RPSA: variants seen among roughly 807,000 people sequenced by gnomAD.
RPSA encodes ribosomal protein SA, also known as small ribosomal subunit protein uS2.
For synonymous variants in RPSA, 103 were observed against 126.7 expected (o/e 0.81, Z 1.25); for missense variants, 140 against 372.8 (o/e 0.38, Z 5.14).
chr3:39,412,521 C>G lies in RPSA; in HGVS notation c.*153C>G. 1 of 601,564 alleles carries G rather than the reference C, an allele frequency of 1.7e-6. No individual in the cohort carries two copies. Among genetic ancestry groups the G allele is most frequent in the Non-Finnish European group, 2.9e-6 (1 of 339,686 alleles). 37.3% of individuals were successfully genotyped at this position (601,564 alleles called of 1,614,324 possible). On this transcript the variant is annotated 3_prime_UTR_variant, in exon 7 of 7. Transcript: ENST00000301821. Reference sequence around the variant, plus strand: ...AAAGCATAATAATAAATACATGTCTCGACATGAGTTGTACTTCTAAAGCCC... The same window carrying G: ...AAAGCATAATAATAAATACATGTCTGGACATGAGTTGTACTTCTAAAGCCC...
Position 39,412,293 on chromosome 3 carries a change from T to C in RPSA, c.813T>C (p.Pro271=), listed in dbSNP as rs374700071. ...QFPTEDWSAQ[P]ATEDWSAAPT... ...TAACAGAAGACTGGAGCGCTCAGCC[T>C]GCCACGGAAGACTGGTCTGCAGCTC... The change falls in exon 7 of 7, where the codon CCT becomes CCC. Residue 271 remains proline, a synonymous_variant. Coordinates refer to ENST00000301821, the MANE Select transcript of RPSA (RefSeq NM_002295.6). The C allele has an allele frequency of 1.9e-6, 3 of 1,611,048 alleles. No individual in the cohort carries two copies. The highest frequency in any genetic ancestry group is 2.5e-6 in the Non-Finnish European group (3 of 1,177,408).
intron 2 of RPSA, chr3:39,408,054 G>A (rs181041879): frequency 4.1e-5 from 18 of 441,310 alleles, no homozygotes; most frequent in Middle Eastern, 6.9e-4. Flanking sequence ...CTAATAGCTC[G>A]CATAGTGCCT....
intron 3 of RPSA, chr3:39,409,053 C>A: frequency 5.1e-6 from 1 of 196,486 alleles, no homozygotes; most frequent in Non-Finnish European, 1.0e-5. Flanking sequence ...CACTGTACTC[C>A]AGCCTGGGTG....
In RPSA at chr3:39,407,707, C is replaced by T. The variant is rs774713610; in HGVS notation, c.54C>T (p.Phe18=). 10 of 1,593,614 alleles carry T rather than the reference C, an allele frequency of 6.3e-6. No homozygotes were observed. In the Admixed American group the frequency reaches 6.7e-5, roughly 11 times the overall value. ...TGAAGGAGGAGGATGTCCTTAAGTTCCTTGCAGCAGGAACCCACTTAGGTG... is the reference window on the plus strand; with the variant it reads ...TGAAGGAGGAGGATGTCCTTAAGTTTCTTGCAGCAGGAACCCACTTAGGTG... ...LQMKEEDVLK[F]LAAGTHLGGT... Residue 18 remains phenylalanine, a synonymous_variant, in exon 2 of 7, where the codon TTC becomes TTT. Coordinates refer to ENST00000301821, the MANE Select transcript of RPSA (RefSeq NM_002295.6).
Position 39,407,248 on chromosome 3 carries a change from T to C in RPSA, c.-33-373T>C, listed in dbSNP as rs985141446. On this transcript the variant is annotated intron_variant, in intron 1 of 6. Coordinates refer to ENST00000301821, the MANE Select transcript of RPSA (RefSeq NM_002295.6). ...CATCCGCCTACAATCTGCTTGAAAATGTCTGAAAACAATTCATGCCTTTTT... is the reference window on the plus strand; with the variant it reads ...CATCCGCCTACAATCTGCTTGAAAACGTCTGAAAACAATTCATGCCTTTTT... Among the ~76,000 whole-genome samples, 5 of 152,206 alleles carry C rather than the reference T, an allele frequency of 3.3e-5. No individual in the cohort carries two copies. The South Asian group carries it at 1.0e-3, about 31-fold the overall frequency.
intron 4 of RPSA, 112 bp downstream of exon 4, chr3:39,411,111 T>C (rs371128378): frequency 9.5e-6 from 13 of 1,361,382 alleles, no homozygotes; most frequent in East Asian, 9.1e-5. Context: ...AACTCGCAAG[T>C]GTAGGTAGTG....
intron 4 of RPSA, chr3:39,411,309 G>C: frequency 1.6e-6 from 1 of 634,252 alleles, no homozygotes; most frequent in East Asian, 3.1e-5. Context: ...TCAGGCACTT[G>C]GCCTTTGTTT....
intron 3 of RPSA, chr3:39,409,051 T>C (rs1575255788): frequency 5.0e-6 from 1 of 198,646 alleles, no homozygotes. Flanking sequence ...GCCACTGTAC[T>C]CCAGCCTGGG....
chr3:39,408,971 A>C (rs2041962284), intron 3 of RPSA: 1 of 428,114 alleles, frequency 2.3e-6, no homozygotes, highest in Non-Finnish European at 4.3e-6. Context: ...CTGTAGTCCC[A>C]GCTACTCAGG....
chr3:39,412,130 G>A, intron 6 of RPSA, 69 bp downstream of exon 6: 1 of 1,467,830 alleles, frequency 6.8e-7, no homozygotes, highest in Non-Finnish European at 9.5e-7. Context: ...TAACTTTAAT[G>A]ATCTCTGTGA....
intron 1 of RPSA, 112 bp downstream of exon 1, chr3:39,406,876 C>T: frequency 2.2e-6 from 1 of 456,378 alleles, no homozygotes; most frequent in Non-Finnish European, 4.4e-6. Context: ...CTGGATCTGT[C>T]TCCCGCCCGG....
intron 2 of RPSA, 126 bp from the exon 3 acceptor site, chr3:39,408,480 G>C (rs961880947): frequency 1.3e-5 from 10 of 782,050 alleles, no homozygotes. Context: ...CAGGATTTTC[G>C]CTAACACCAG....
At chr3:39,407,447 G>A (rs984027822) in intron 1 of RPSA, among the ~76,000 whole-genome samples, 174 bp from the exon 2 acceptor site, 3 of 152,114 alleles carry the variant, frequency 2.0e-5, no homozygotes, top group Admixed American at 1.3e-4. Context: ...TCCTCAGTAA[G>A]ATGTGCGCTG....
chr3:39,408,750 A>G (rs1181874490), intron 3 of RPSA, 26 bp downstream of exon 3: 2 of 1,159,026 alleles, frequency 1.7e-6, no homozygotes, highest in Admixed American at 1.7e-5. Flanking sequence ...GTTAGTTTTT[A>G]TATTATAGAA....
In RPSA at chr3:39,406,753, G is replaced by C. The variant is rs559394405; in HGVS notation, c.-45G>C. ...TGCTACCTGCAGAGGGGTCCATACG[G>C]CGTTGTTCTGGGTGAGTTCCGTGTA... On this transcript the variant is annotated 5_prime_UTR_variant, in exon 1 of 7. Transcript: ENST00000301821. 1.2e-5 allele frequency: 5 copies of C among 420,918 alleles called. No individual in the cohort carries two copies. The highest frequency in any genetic ancestry group is 5.1e-5 in the South Asian group (3 of 58,690). The allele number at this position is 420,918 out of a possible 1,614,324, so 26.1% of individuals were successfully genotyped here. A position where few individuals can be genotyped will look rare whatever the true frequency, so the allele number is the denominator to read the frequency against.
intron 1 of RPSA, chr3:39,407,187 A>G: frequency 2.9e-6 from 1 of 343,084 alleles, no homozygotes; most frequent in Non-Finnish European, 5.6e-6. Context: ...TTTTTAGACA[A>G]ACAAGTGGTG....
chr3:39,411,032 C>T lies in RPSA; in HGVS notation c.498+33C>T, dbSNP rs41285142. 6.8e-3 allele frequency: 10,887 copies of T among 1,597,988 alleles called. 49 individuals carry two copies. Among genetic ancestry groups the T allele is most frequent in the Non-Finnish European group, 8.4e-3 (9,867 of 1,178,618 alleles). On this transcript the variant is annotated intron_variant, in intron 4 of 6. Coordinates refer to ENST00000301821, the MANE Select transcript of RPSA (RefSeq NM_002295.6). The stretch of plus-strand genomic sequence containing the variant: ...TTTTAGGATCTAGAGTTTGTGAATG[C>T]GTGCTCTAGAAAAAACATTCCTGTG...
At chr3:39,407,873 C>A (rs2125591439) in intron 2 of RPSA, 87 bp downstream of exon 2, 1 of 1,019,940 alleles carries the variant, frequency 9.8e-7, no homozygotes, top group Non-Finnish European at 1.5e-6. Context: ...TGGGTAATTT[C>A]TTTCTATCTT....
At chr3:39,408,408 C>G in intron 2 of RPSA, 198 bp from the exon 3 acceptor site, 2 of 759,014 alleles carry the variant, frequency 2.6e-6, no homozygotes, top group Non-Finnish European at 4.9e-6. Flanking sequence ...TATTAAAGCT[C>G]AGGGTGGAGG....
Sources: allele counts gnomAD v4.1 joint callset (sites outside exome capture counted in the v4.1 genomes callset), GRCh38; gene constraint gnomAD v4.1.1; transcripts MANE v1.5; gene names NCBI Gene and HGNC (gene_info 2026-07-23, HGNC 2026-07-21).